Variants in DLGAP2 observed in about 807,000 individuals in gnomAD.
DLGAP2 encodes the protein disks large-associated protein 2.
DLGAP2 carries 26 observed loss-of-function variants against 100.3 expected under a neutral mutation model. That is an observed-to-expected ratio of 0.26 (90% CI 0.19 to 0.36). The LOEUF is 0.36. Among genes scored for constraint, DLGAP2 ranks in the 10% least tolerant of loss-of-function variants. The pLI is 1.00. For synonymous variants in DLGAP2, 886 were observed against 630.1 expected (o/e 1.41, Z -6.08); for missense variants, 1,858 against 1,453.2 (o/e 1.28, Z -4.53).
At chr8:1,594,368 G>C (rs1267525829) in intron 6 of DLGAP2, among the ~76,000 whole-genome samples, 1 of 152,032 alleles carries the variant, frequency 6.6e-6, no homozygotes, top group Non-Finnish European at 1.5e-5. Flanking sequence ...AACAAAATGA[G>C]AATTTAAGTA....
In DLGAP2 at chr8:1,543,665, T is replaced by C. The variant is rs193145614; in HGVS notation, c.173-4961T>C. 2.2e-4 allele frequency among the ~76,000 whole-genome samples: 33 copies of C among 152,310 alleles called. No individual in the cohort carries two copies. In the East Asian group the frequency reaches 2.3e-3, roughly 11 times the overall value. On this transcript the variant is annotated intron_variant, in intron 4 of 14. Transcript: ENST00000637795. Reference sequence around the variant, plus strand: ...GATTGTTTTTGCTTCTCAGGACCCATTGCATTTCTATATGAATTTGAGGAT... The same window carrying C: ...GATTGTTTTTGCTTCTCAGGACCCACTGCATTTCTATATGAATTTGAGGAT...
chr8:1,205,022 T>C (rs1308054235), intron 2 of DLGAP2, among the ~76,000 whole-genome samples: 2 of 152,196 alleles, frequency 1.3e-5, no homozygotes, highest in African/African-American at 4.8e-5. Flanking sequence ...AACGGAGCCG[T>C]AATTGCAGTC....
intron 2 of DLGAP2, among the ~76,000 whole-genome samples, chr8:1,226,484 G>A (rs886267690): frequency 6.6e-6 from 1 of 152,152 alleles, no homozygotes; most frequent in Non-Finnish European, 1.5e-5. Context: ...GGGGCAAGGG[G>A]GAGGGAGAGC....
chr8:1,435,266 GAATA>G (rs1332368679), intron 3 of DLGAP2, among the ~76,000 whole-genome samples: 1 of 152,182 alleles, frequency 6.6e-6, no homozygotes, highest in Non-Finnish European at 1.5e-5. Context: ...CTTTTTGTAA[GAATA>G]AATGTGAGTT....
intron 12 of DLGAP2, among the ~76,000 whole-genome samples, chr8:1,687,580 G>T (rs1799148124): frequency 6.6e-6 from 1 of 152,152 alleles, no homozygotes; most frequent in African/African-American, 2.4e-5. Context: ...TACACTTTTT[G>T]ACATTCATTA....
At chr8:1,190,384 C>T (rs980010710) in intron 2 of DLGAP2, among the ~76,000 whole-genome samples, 5 of 151,988 alleles carry the variant, frequency 3.3e-5, no homozygotes, top group Admixed American at 6.5e-5. Context: ...CTTGGAGTGG[C>T]GAGAGTCAGG....
At chr8:1,118,287 C>T (rs1269884613) in intron 2 of DLGAP2, among the ~76,000 whole-genome samples, 1 of 152,156 alleles carries the variant, frequency 6.6e-6, no homozygotes, top group East Asian at 1.9e-4. Context: ...GTGCTGATTC[C>T]AGCATCTGCA....
At chr8:1,257,365 AC>A (rs1294815953) in intron 2 of DLGAP2, among the ~76,000 whole-genome samples, 2 of 150,878 alleles carry the variant, frequency 1.3e-5, no homozygotes, top group Non-Finnish European at 3.0e-5. Context: ...TTTGAACAAC[AC>A]CTCAACTCCC....
At chr8:741,588 G>A (rs533261787) in intron 1 of DLGAP2, among the ~76,000 whole-genome samples, 1 of 152,194 alleles carries the variant, frequency 6.6e-6, no homozygotes, top group Non-Finnish European at 1.5e-5. Flanking sequence ...AGTTGCCTTA[G>A]TTCTGGAAGT....
At chr8:1,333,232 G>A (rs867516044) in intron 3 of DLGAP2, among the ~76,000 whole-genome samples, 34 of 152,138 alleles carry the variant, frequency 2.2e-4, no homozygotes, top group African/African-American at 7.5e-4. Context: ...GAAACCCACT[G>A]CTACCCTGGC....
At chr8:1,140,974 C>T (rs891183165) in intron 2 of DLGAP2, among the ~76,000 whole-genome samples, 2 of 152,190 alleles carry the variant, frequency 1.3e-5, no homozygotes, top group African/African-American at 4.8e-5. Context: ...CAGGGCAAGA[C>T]TCTGTCTCAA....
intron 2 of DLGAP2, among the ~76,000 whole-genome samples, chr8:1,173,464 T>A (rs978738759): frequency 2.6e-5 from 4 of 152,212 alleles, no homozygotes; most frequent in Non-Finnish European, 5.9e-5. Flanking sequence ...TCTTTTTGTT[T>A]GTCTGTGCCC....
intron 3 of DLGAP2, among the ~76,000 whole-genome samples, chr8:1,275,535 A>G (rs1799665488): frequency 1.3e-5 from 2 of 151,480 alleles, no homozygotes; most frequent in Admixed American, 6.6e-5. Flanking sequence ...GAACAGCATC[A>G]TTTTCATGCA....
At chr8:801,868 C>G (rs546605375) in intron 1 of DLGAP2, among the ~76,000 whole-genome samples, 8 of 151,972 alleles carry the variant, frequency 5.3e-5, no homozygotes, top group African/African-American at 1.9e-4. Flanking sequence ...CGTACCTGAG[C>G]CGCCTGACCC....
intron 3 of DLGAP2, among the ~76,000 whole-genome samples, chr8:1,360,260 C>T (rs1487263337): frequency 7.9e-6 from 1 of 126,458 alleles, no homozygotes; most frequent in African/African-American, 3.0e-5. Context: ...GGCGGGGCTT[C>T]TCCGGGGCGG....
intron 1 of DLGAP2, among the ~76,000 whole-genome samples, chr8:743,432 T>C (rs1433001374): frequency 1.3e-5 from 2 of 152,074 alleles, no homozygotes; most frequent in Non-Finnish European, 2.9e-5. Context: ...GCTGGGGTTG[T>C]GTAATATATA....
chr8:797,515 C>G (rs1466793451), intron 1 of DLGAP2, among the ~76,000 whole-genome samples: 3 of 152,096 alleles, frequency 2.0e-5, no homozygotes, highest in African/African-American at 7.2e-5. Flanking sequence ...ATGACTATTT[C>G]TGTTGAAGTC....
intron 2 of DLGAP2, among the ~76,000 whole-genome samples, chr8:1,204,290 A>G (rs1209086122): frequency 6.6e-6 from 1 of 152,238 alleles, no homozygotes; most frequent in Non-Finnish European, 1.5e-5. Context: ...CAATCTCATC[A>G]TCTTCTGAGA....
intron 1 of DLGAP2, among the ~76,000 whole-genome samples, chr8:858,778 C>T (rs1013357544): frequency 5.9e-5 from 9 of 151,642 alleles, no homozygotes; most frequent in African/African-American, 1.5e-4. Context: ...ATGCTGTCAC[C>T]GTGGGCATAT....
Sources: allele counts gnomAD v4.1 joint callset (sites outside exome capture counted in the v4.1 genomes callset), GRCh38; gene constraint gnomAD v4.1.1; transcripts MANE v1.5; gene names NCBI Gene and HGNC (gene_info 2026-07-23, HGNC 2026-07-21).